TRAPPC10: variants seen among roughly 807,000 people sequenced by gnomAD.
TRAPPC10 encodes trafficking protein particle complex subunit 10.
A neutral mutation model predicts 125.5 loss-of-function variants in TRAPPC10; 23 were observed. That is an observed-to-expected ratio of 0.18 (90% CI 0.13 to 0.26). The LOEUF is 0.26. Ranked by LOEUF, TRAPPC10 falls within the 10% of genes least tolerant of loss-of-function variation. TRAPPC10 has a pLI of 1.00. For synonymous variants in TRAPPC10, 509 were observed against 518.0 expected, an observed-to-expected ratio of 0.98 and a Z score of 0.24; for missense variants, 1,123 against 1,308.4, an observed-to-expected ratio of 0.86 and a Z score of 2.19.
intron 7 of TRAPPC10, among the ~76,000 whole-genome samples, chr21:44,071,663 A>G (rs2036877376): frequency 6.6e-6 from 1 of 152,240 alleles, no homozygotes; most frequent in Admixed American, 6.5e-5. Flanking sequence ...GCCACATCAT[A>G]TGCCAAATTC....
At chr21:44,043,209 C>CTTTTT (rs34708259) in intron 3 of TRAPPC10, among the ~76,000 whole-genome samples, 3 of 94,342 alleles carry the variant, frequency 3.2e-5, no homozygotes, top group Non-Finnish European at 5.9e-5. Flanking sequence ...AATTATTACG[C>CTTTTT]TTTTTTTTTT....
At chr21:44,045,083 C>T (rs1372129399) in intron 3 of TRAPPC10, among the ~76,000 whole-genome samples, 2 of 152,116 alleles carry the variant, frequency 1.3e-5, no homozygotes, top group East Asian at 3.9e-4. Flanking sequence ...TACAGGTGCA[C>T]ACCACCACAC....
chr21:44,012,546 A>C lies in TRAPPC10; in HGVS notation c.53A>C (p.Lys18Thr). The C allele has an allele frequency of 6.5e-7, 1 of 1,536,084 alleles. No individual in the cohort carries two copies. The highest frequency in any genetic ancestry group is 8.8e-7 in the Non-Finnish European group (1 of 1,139,650). Residue 18 changes from lysine to threonine, a missense_variant, in exon 1 of 23, where the codon AAG (lysine) becomes ACG (threonine). Lys to Thr is a moderately conservative substitution (Grantham distance 78). Around this residue, in one of 4 missense-constraint regions of TRAPPC10, gnomAD observed 177 missense variants for 228.9 expected, o/e 0.77. Coordinates refer to ENST00000291574, the MANE Select transcript of TRAPPC10 (RefSeq NM_003274.5). ...LPPVIYTMENKPIVTCAGDQN... is the reference protein window; with the variant it reads ...LPPVIYTMENTPIVTCAGDQN... ...CCGGTGATCTACACCATGGAGAACA[A>C]GCCCATCGTCACCTGTGAGTGCCCG... is the stretch of plus-strand genomic sequence containing the variant.
intron 3 of TRAPPC10, among the ~76,000 whole-genome samples, chr21:44,051,056 G>T (rs1239043138): frequency 6.6e-6 from 1 of 152,126 alleles, no homozygotes; most frequent in Non-Finnish European, 1.5e-5. Flanking sequence ...GGTGCACACC[G>T]CCATGCCCGG....
chr21:44,084,131 C>T lies in TRAPPC10; in HGVS notation c.2248C>T (p.Pro750Ser). 6.2e-7 allele frequency: 1 copy of T among 1,614,092 alleles called. No homozygotes were observed. The highest frequency in any genetic ancestry group is 1.7e-4 in the Middle Eastern group (1 of 6,058). ...QITFRTQAKE[P>S]GTYTLRQLCA... ...GATTCTTTGACTCTAGGCCAAGGAA[C>T]CTGGAACGTATACACTCAGGCAGCT... Residue 750 changes from proline to serine, a missense_variant, in exon 15 of 23, where the codon CCT (proline) becomes TCT (serine). Physicochemically the swap from Pro to Ser is moderately conservative, Grantham distance 74 (BLOSUM62 -1). This residue lies in a region of TRAPPC10 where 840 missense variants were observed against 902.0 expected (regional missense o/e 0.93). Coordinates refer to ENST00000291574, the MANE Select transcript of TRAPPC10 (RefSeq NM_003274.5).
At chr21:44,023,919 G>A (rs2032811280) in intron 1 of TRAPPC10, among the ~76,000 whole-genome samples, 2 of 152,126 alleles carry the variant, frequency 1.3e-5, no homozygotes, top group Non-Finnish European at 2.9e-5. Flanking sequence ...GTGAGTAGCT[G>A]GGATTACAGG....
At chr21:44,022,880 G>T (rs1671150488) in intron 1 of TRAPPC10, among the ~76,000 whole-genome samples, 1 of 151,918 alleles carries the variant, frequency 6.6e-6, no homozygotes. Context: ...TTTTTTGTCG[G>T]CAGGACTTTA....
At chr21:44,093,979 C>T in intron 19 of TRAPPC10, 84 bp from the exon 20 acceptor site, 1 of 1,428,904 alleles carries the variant, frequency 7.0e-7, no homozygotes, top group Non-Finnish European at 9.6e-7. Context: ...GCACCCTTCG[C>T]ATGGCGTGTG....
At chr21:44,022,844 G>T (rs1400689123) in intron 1 of TRAPPC10, among the ~76,000 whole-genome samples, 1 of 151,770 alleles carries the variant, frequency 6.6e-6, no homozygotes, top group Non-Finnish European at 1.5e-5. Context: ...AGTTGGAGCT[G>T]GAGGCTGGGT....
In TRAPPC10 at chr21:44,087,010, A is replaced by G. The variant is rs369482185; in HGVS notation, c.2539+50A>G. ...AAGGAGGATGCCCACCTTGCCCTGC[A>G]CTGTGTGGGTGTGAGGGTGAGCCTG... On this transcript the variant is annotated intron_variant, in intron 16 of 22. Transcript: ENST00000291574. The surrounding 1 kb of genome is among the most constrained non-coding windows in gnomAD (Gnocchi z 4.6). 9.4e-6 allele frequency: 15 copies of G among 1,600,156 alleles called. No individual in the cohort carries two copies. Among genetic ancestry groups the G allele is most frequent in the Non-Finnish European group, 1.3e-5 (15 of 1,171,320 alleles).
rs1209347070 is a variant in TRAPPC10 at position 44,084,625 on chromosome 21, G to A, written c.2380+362G>A. On this transcript the variant is annotated intron_variant, in intron 15 of 22. Coordinates refer to ENST00000291574, the MANE Select transcript of TRAPPC10 (RefSeq NM_003274.5). ...CCCAAATGTGCAGGGATTTCCCCCTGCCAGCAAGCAAGCAGTCGGTCCTGC... is the reference window on the plus strand; with the variant it reads ...CCCAAATGTGCAGGGATTTCCCCCTACCAGCAAGCAAGCAGTCGGTCCTGC... Among the ~76,000 whole-genome samples the A allele has an allele frequency of 6.6e-5, 10 of 152,140 alleles. No homozygotes were observed. In the East Asian group the frequency reaches 1.7e-3, roughly 26 times the overall value.
At position 44,059,422 on chromosome 21, in the gene TRAPPC10, T is replaced by A; in HGVS notation, c.790+208T>A. Reference sequence around the variant, plus strand: ...GTCATTTTCACTTTTAGAAGAATCTTAAGTAACAAAAATAATAATAATTTA... The same window carrying A: ...GTCATTTTCACTTTTAGAAGAATCTAAAGTAACAAAAATAATAATAATTTA... On this transcript the variant is annotated intron_variant, in intron 6 of 22. Transcript: ENST00000291574. The surrounding 1 kb of genome is among the most constrained non-coding windows in gnomAD (Gnocchi z 4.4). 1 of 704,588 alleles carries A rather than the reference T, an allele frequency of 1.4e-6. No homozygotes were observed. The highest frequency in any genetic ancestry group is 2.6e-6 in the Non-Finnish European group (1 of 382,610). The allele number at this position is 704,588 out of a possible 1,614,324, so 43.6% of individuals were successfully genotyped here.
Position 44,052,378 on chromosome 21 carries a change from T to G in TRAPPC10, c.384T>G (p.Val128=). 6.2e-7 allele frequency: 1 copy of G among 1,614,098 alleles called. No individual in the cohort carries two copies. The highest frequency in any genetic ancestry group is 8.5e-7 in the Non-Finnish European group (1 of 1,180,014). ...CTGTGGACTGGTTAATAGTGATAGT[T>G]GAAAATGATGCCAAGAAAAAAAACA... ...HSSVDWLIVI[V]ENDAKKKNKT... Residue 128 remains valine, a synonymous_variant, in exon 4 of 23, where the codon GTT becomes GTG. Coordinates refer to ENST00000291574, the MANE Select transcript of TRAPPC10 (RefSeq NM_003274.5).
chr21:44,058,799 C>T (rs1036006635), intron 5 of TRAPPC10, among the ~76,000 whole-genome samples: 1 of 152,146 alleles, frequency 6.6e-6, no homozygotes, highest in Non-Finnish European at 1.5e-5. Flanking sequence ...CAGTGAGGGG[C>T]GAGGGGAGCA....
intron 7 of TRAPPC10, among the ~76,000 whole-genome samples, chr21:44,065,422 AGTT>A (rs1434572423): frequency 6.6e-6 from 1 of 152,136 alleles, no homozygotes; most frequent in African/African-American, 2.4e-5. Context: ...TGCTGAATGA[AGTT>A]GTTGTCCCCT....
chr21:44,044,517 T>C (rs1569161532), intron 3 of TRAPPC10, among the ~76,000 whole-genome samples: 1 of 152,038 alleles, frequency 6.6e-6, no homozygotes, highest in East Asian at 1.9e-4. Context: ...CTTTGGATCA[T>C]TGACTTCTGT....
At position 44,083,315 on chromosome 21, in the gene TRAPPC10, G is replaced by T; in HGVS notation, c.2238+13G>T. ...ATTCAGGACTCAGGTATGCGTTCAGGGTGGGAACTTGACTTTCAAGTTTGT... is the reference window on the plus strand; with the variant it reads ...ATTCAGGACTCAGGTATGCGTTCAGTGTGGGAACTTGACTTTCAAGTTTGT... On this transcript the variant is annotated intron_variant, in intron 14 of 22. Transcript: ENST00000291574. 1 of 1,605,994 alleles carries T rather than the reference G, an allele frequency of 6.2e-7. No homozygotes were observed. The highest frequency in any genetic ancestry group is 8.5e-7 in the Non-Finnish European group (1 of 1,175,116).
At chr21:44,045,227 C>T (rs1242454111) in intron 3 of TRAPPC10, among the ~76,000 whole-genome samples, 1 of 152,178 alleles carries the variant, frequency 6.6e-6, no homozygotes, top group Non-Finnish European at 1.5e-5. Flanking sequence ...GCCACCGTGC[C>T]CAGCCTTTGT....
chr21:44,059,109 C>G lies in TRAPPC10; in HGVS notation c.685C>G (p.Leu229Val). 4 of 1,591,188 alleles carry G rather than the reference C, an allele frequency of 2.5e-6. No individual in the cohort carries two copies. The highest frequency in any genetic ancestry group is 2.6e-6 in the Non-Finnish European group (3 of 1,170,974). ...ACGTATCTTGGGCGAATAGGAGGAG[C>G]TTGCCTTTGTTTTCGAGATGCTGCA... ...FCEYFMVQEELAFVFEMLQQF... is the reference protein window; with the variant it reads ...FCEYFMVQEEVAFVFEMLQQF... Residue 229 changes from leucine to valine, a missense_variant, in exon 6 of 23, where the codon CTT becomes GTT. By Grantham distance (32) the Leu-to-Val change is conservative. Transcript: ENST00000291574. The surrounding 1 kb of genome is among the most constrained non-coding windows in gnomAD (Gnocchi z 4.4).
Sources: gnomAD v4.1 joint callset for allele counts (sites outside exome capture counted in the v4.1 genomes callset) on GRCh38, gnomAD v4.1.1 for gene constraint, gnomAD v4.1.1 regional missense constraint, Gnocchi (gnomAD v3.1) non-coding constraint, MANE v1.5 for transcripts, NCBI Gene and HGNC (gene_info 2026-07-23, HGNC 2026-07-21) for gene names.